The following COL25A1 variants were observed in gnomAD, a reference collection of about 807,000 sequenced individuals.
COL25A1 encodes the protein collagen type XXV alpha 1 chain, also known as collagen alpha-1(XXV) chain.
A neutral mutation model predicts 128.4 loss-of-function variants in COL25A1; 103 were observed. The ratio of observed to expected loss-of-function variants is 0.80; its 90% confidence interval spans 0.68 to 0.94. The LOEUF is 0.94. COL25A1 is among the 40% of genes least tolerant of loss of function. The probability of loss-of-function intolerance (pLI) is 0.00; values close to 1 mark genes in which losing one functional copy is unlikely to be tolerated. For synonymous variants in COL25A1, 279 were observed against 277.2 expected (o/e 1.01, Z -0.06); for missense variants, 745 against 840.0 (o/e 0.89, Z 1.40).
At chr4:108,936,526 C>T (rs1747429606) in intron 11 of COL25A1, among the ~76,000 whole-genome samples, 1 of 152,100 alleles carries the variant, frequency 6.6e-6, no homozygotes, top group African/African-American at 2.4e-5. Flanking sequence ...GAGATCGCGC[C>T]ACTGCACTCC....
intron 15 of COL25A1, among the ~76,000 whole-genome samples, chr4:108,898,435 C>A (rs1742407986): frequency 6.6e-6 from 1 of 152,080 alleles, no homozygotes; most frequent in African/African-American, 2.4e-5. Flanking sequence ...GTTTCCTACT[C>A]AGCATATTTT....
intron 3 of COL25A1, among the ~76,000 whole-genome samples, chr4:109,165,896 A>G (rs569305679): frequency 1.1e-4 from 17 of 152,340 alleles, no homozygotes; most frequent in African/African-American, 3.6e-4. Flanking sequence ...ACAGTTGTTC[A>G]ATATAAATGT....
intron 9 of COL25A1, 81 bp from the exon 10 acceptor site, chr4:108,940,727 A>G: frequency 2.3e-6 from 2 of 865,724 alleles, no homozygotes; most frequent in East Asian, 2.6e-5. Context: ...TTAAATTTGT[A>G]TTATCTAATT....
At chr4:109,165,453 C>T (rs1351883000) in intron 3 of COL25A1, among the ~76,000 whole-genome samples, 2 of 152,138 alleles carry the variant, frequency 1.3e-5, no homozygotes, top group African/African-American at 2.4e-5. Flanking sequence ...TGGTGGCTCA[C>T]GTCTGTAATC....
intron 31 of COL25A1, among the ~76,000 whole-genome samples, chr4:108,834,126 A>G (rs1733488480): frequency 6.6e-6 from 1 of 152,164 alleles, no homozygotes; most frequent in African/African-American, 2.4e-5. Flanking sequence ...CTTGAACACG[A>G]GCTTCACAAA....
At position 109,092,909 on chromosome 4, in the gene COL25A1, G is replaced by A. The variant is rs185105855; in HGVS notation, c.368-42730C>T. Among the ~76,000 whole-genome samples, 13 of 152,138 alleles carry A rather than the reference G, an allele frequency of 8.5e-5. No individual in the cohort carries two copies. The East Asian group carries it at 1.9e-3, about 23-fold the overall frequency. ...CTCAGTCTCCTTTCCTATAGAATTG[G>A]GGTAAAAATAACCTATATTCATAGG... On this transcript the variant is annotated intron_variant, in intron 3 of 37. Transcript: ENST00000399132.
At chr4:109,275,841 C>T (rs1486552022) in intron 3 of COL25A1, among the ~76,000 whole-genome samples, 1 of 152,160 alleles carries the variant, frequency 6.6e-6, no homozygotes, top group Non-Finnish European at 1.5e-5. Context: ...TGTCTAGCTA[C>T]CACCCTGATG....
rs562510822 is a variant in COL25A1, at chr4:108,899,743, C to T, written c.835-563G>A. 3.3e-5 allele frequency among the ~76,000 whole-genome samples: 5 copies of T among 152,174 alleles called. No homozygotes were observed. In the East Asian group the frequency reaches 9.7e-4, roughly 29 times the overall value. On this transcript the variant is annotated intron_variant, in intron 14 of 37. Coordinates refer to ENST00000399132, the MANE Select transcript of COL25A1 (RefSeq NM_198721.4). ...TTCTGGTAAAGAGCATGTTCCAGAT[C>T]AGGTCTATTTTAGGAGGCACCTTAA... is the stretch of plus-strand genomic sequence containing the variant.
chr4:108,846,789 T>A (rs1426523969), intron 27 of COL25A1, among the ~76,000 whole-genome samples: 1 of 152,182 alleles, frequency 6.6e-6, no homozygotes, highest in African/African-American at 2.4e-5. Flanking sequence ...CACAGTGTTC[T>A]TATTTTGTTC....
At chr4:109,191,386 C>T (rs2126162285) in intron 3 of COL25A1, among the ~76,000 whole-genome samples, 1 of 152,214 alleles carries the variant, frequency 6.6e-6, no homozygotes, top group African/African-American at 2.4e-5. Flanking sequence ...ATTTTCATAC[C>T]CTTGTGTGCC....
intron 3 of COL25A1, among the ~76,000 whole-genome samples, chr4:109,099,957 T>C (rs1170535463): frequency 6.6e-6 from 1 of 152,134 alleles, no homozygotes; most frequent in Non-Finnish European, 1.5e-5. Flanking sequence ...TAAAAAATAA[T>C]AGCATCATGT....
chr4:109,250,794 T>A (rs897482587), intron 3 of COL25A1, among the ~76,000 whole-genome samples: 3 of 152,174 alleles, frequency 2.0e-5, no homozygotes, highest in Non-Finnish European at 4.4e-5. Flanking sequence ...TAACCAAGTA[T>A]CTGGGCACTC....
At chr4:108,988,269 T>C (rs1032514323) in intron 6 of COL25A1, among the ~76,000 whole-genome samples, 2 of 152,214 alleles carry the variant, frequency 1.3e-5, no homozygotes, top group African/African-American at 4.8e-5. Flanking sequence ...ATGGTAAATA[T>C]CCAATAAATA....
chr4:109,281,662 C>A (rs765285542), intron 3 of COL25A1, among the ~76,000 whole-genome samples: 7 of 152,092 alleles, frequency 4.6e-5, no homozygotes, highest in Non-Finnish European at 1.0e-4. Flanking sequence ...TACTAATAAT[C>A]TACTCAAAAC....
At chr4:108,944,509 G>A (rs1357953836) in intron 8 of COL25A1, among the ~76,000 whole-genome samples, 1 of 152,060 alleles carries the variant, frequency 6.6e-6, no homozygotes, top group Non-Finnish European at 1.5e-5. Flanking sequence ...TTGATTAGTG[G>A]CGATAAATCA....
chr4:109,266,145 GTT>G (rs1781779394), intron 3 of COL25A1, among the ~76,000 whole-genome samples: 3 of 152,130 alleles, frequency 2.0e-5, no homozygotes, highest in Admixed American at 2.0e-4. Context: ...CACATGAAAA[GTT>G]TTTTAACTTC....
At chr4:109,092,205 A>C (rs980895815) in intron 3 of COL25A1, among the ~76,000 whole-genome samples, 1 of 152,202 alleles carries the variant, frequency 6.6e-6, no homozygotes, top group African/African-American at 2.4e-5. Context: ...CCTAAAAAGA[A>C]GTTAAGTAAT....
At chr4:109,124,840 T>C (rs1267857879) in intron 3 of COL25A1, among the ~76,000 whole-genome samples, 1 of 151,958 alleles carries the variant, frequency 6.6e-6, no homozygotes, top group African/African-American at 2.4e-5. Flanking sequence ...TAGAAAAACA[T>C]ATAGCAAGAT....
chr4:109,117,014 C>T (rs552056127), intron 3 of COL25A1, among the ~76,000 whole-genome samples: 2 of 151,028 alleles, frequency 1.3e-5, no homozygotes, highest in Admixed American at 6.6e-5. Context: ...TTAAGAACTG[C>T]GAGACAACTA....
Sources: allele counts gnomAD v4.1 joint callset (sites outside exome capture counted in the v4.1 genomes callset), GRCh38; gene constraint gnomAD v4.1.1; transcripts MANE v1.5; gene names NCBI Gene and HGNC (gene_info 2026-07-23, HGNC 2026-07-21).